The following COMMD1 variants were observed in gnomAD, a reference collection of about 807,000 sequenced individuals.
The protein encoded by COMMD1 is copper metabolism domain containing 1.
COMMD1 carries 10 observed loss-of-function variants against 17.2 expected under a neutral mutation model. That is an observed-to-expected ratio of 0.58 (90% CI 0.36 to 0.99). COMMD1 has a LOEUF of 0.99. COMMD1 is among the 50% of genes least tolerant of loss of function. The pLI, the probability that COMMD1 is intolerant of heterozygous loss-of-function variation, is 0.01. For synonymous variants in COMMD1, 97 were observed against 91.6 expected, an observed-to-expected ratio of 1.06 and a Z score of -0.34; for missense variants, 270 against 231.8, an observed-to-expected ratio of 1.17 and a Z score of -1.07.
At chr2:62,123,019 C>G (rs184130009) in intron 2 of COMMD1, among the ~76,000 whole-genome samples, 49 of 152,182 alleles carry the variant, frequency 3.2e-4, no homozygotes, top group Admixed American at 2.0e-3. Context: ...TTGTAAGGTT[C>G]CCTAGGTTTT....
chr2:62,124,750 A>C (rs1023980296), intron 2 of COMMD1, among the ~76,000 whole-genome samples: 1 of 152,066 alleles, frequency 6.6e-6, no homozygotes, highest in East Asian at 1.9e-4. Context: ...GGGTTTTACT[A>C]TGTGAGCCAG....
intron 1 of COMMD1, among the ~76,000 whole-genome samples, chr2:61,894,178 C>T (rs1169411627): frequency 6.6e-6 from 1 of 152,192 alleles, no homozygotes; most frequent in East Asian, 1.9e-4. Context: ...TGGCTCACTG[C>T]AACCTCTGCC....
rs540681427 is a variant in COMMD1 at position 61,934,134 on chromosome 2, C to G, written c.180+28276C>G. Among the ~76,000 whole-genome samples, 3 of 152,164 alleles carry G rather than the reference C, an allele frequency of 2.0e-5. No homozygotes were observed. In the South Asian group the frequency reaches 6.2e-4, roughly 32 times the overall value. ...ATCCAGAACTATATATGTTTAAATACAAAATGAATTTGAGATAGGGGTGTG... is the reference window on the plus strand; with the variant it reads ...ATCCAGAACTATATATGTTTAAATAGAAAATGAATTTGAGATAGGGGTGTG... On this transcript the variant is annotated intron_variant, in intron 1 of 2. Coordinates refer to ENST00000311832, the MANE Select transcript of COMMD1 (RefSeq NM_152516.4).
At position 61,915,291 on chromosome 2, in the gene COMMD1, C is replaced by A. The variant is rs140326363; in HGVS notation, c.180+9433C>A. ...TAAGTGCTAGGATTACATGCGTGAGCCACTGCACCCAGCCCGGATTATTTT... is the reference window on the plus strand; with the variant it reads ...TAAGTGCTAGGATTACATGCGTGAGACACTGCACCCAGCCCGGATTATTTT... On this transcript the variant is annotated intron_variant, in intron 1 of 2. Coordinates refer to ENST00000311832, the MANE Select transcript of COMMD1 (RefSeq NM_152516.4). Among the ~76,000 whole-genome samples the A allele has an allele frequency of 8.0e-3, 1,211 of 152,232 alleles. 19 individuals carry two copies. Among genetic ancestry groups the A allele is most frequent in the African/African-American group, 0.028 (1,145 of 41,524 alleles).
chr2:61,912,518 C>G (rs922969562), intron 1 of COMMD1, among the ~76,000 whole-genome samples: 2 of 151,756 alleles, frequency 1.3e-5, no homozygotes, highest in African/African-American at 2.4e-5. Context: ...GGGCAGATCA[C>G]GAGATCAAGA....
chr2:62,055,792 T>A (rs915366538), intron 2 of COMMD1, among the ~76,000 whole-genome samples: 1 of 152,206 alleles, frequency 6.6e-6, no homozygotes, highest in African/African-American at 2.4e-5. Flanking sequence ...AACGTGTTCC[T>A]CTCAGCTAGC....
intron 1 of COMMD1, among the ~76,000 whole-genome samples, chr2:61,909,230 CAT>C (rs1293757732): frequency 1.3e-5 from 2 of 152,118 alleles, no homozygotes; most frequent in African/African-American, 4.8e-5. Flanking sequence ...CTGGCACAAA[CAT>C]GATTTTTACA....
upstream of COMMD1, among the ~76,000 whole-genome samples, chr2:61,905,190 G>C (rs1669739783): frequency 6.6e-6 from 1 of 152,078 alleles, no homozygotes; most frequent in African/African-American, 2.4e-5. Context: ...ATATAAAAAG[G>C]CAATTAACAA....
At chr2:61,991,233 C>T (rs945330241) in intron 1 of COMMD1, among the ~76,000 whole-genome samples, 3 of 152,182 alleles carry the variant, frequency 2.0e-5, no homozygotes, top group African/African-American at 4.8e-5. Flanking sequence ...AAACAGAAAT[C>T]AGCACCCTGA....
At chr2:61,896,955 G>A (rs1020402931) in intron 1 of COMMD1, among the ~76,000 whole-genome samples, 5 of 151,194 alleles carry the variant, frequency 3.3e-5, no homozygotes, top group Admixed American at 6.6e-5. Context: ...TCAGCCTCCC[G>A]AGTAGCTGGG....
intron 2 of COMMD1, among the ~76,000 whole-genome samples, chr2:62,019,669 TC>T (rs1669558642): frequency 1.3e-5 from 2 of 152,204 alleles, no homozygotes; most frequent in African/African-American, 4.8e-5. Context: ...GAAGTAGCTT[TC>T]TTGTCACACC....
intron 1 of COMMD1, among the ~76,000 whole-genome samples, chr2:61,898,697 AG>A (rs1450596446): frequency 1.3e-5 from 2 of 152,144 alleles, no homozygotes; most frequent in African/African-American, 4.8e-5. Flanking sequence ...GCCTGGGACC[AG>A]TTGCTTAATG....
At chr2:61,907,542 G>A (rs1023175408) in intron 1 of COMMD1, among the ~76,000 whole-genome samples, 2 of 152,102 alleles carry the variant, frequency 1.3e-5, no homozygotes, top group Non-Finnish European at 2.9e-5. Flanking sequence ...GCTAAGAAGA[G>A]ACAACAGCAC....
chr2:62,056,026 C>T (rs1316332507), intron 2 of COMMD1, among the ~76,000 whole-genome samples: 1 of 152,196 alleles, frequency 6.6e-6, no homozygotes, highest in African/African-American at 2.4e-5. Flanking sequence ...CTATTCAAGT[C>T]TTTGAATGAT....
At chr2:61,947,610 G>T (rs367896788) in intron 1 of COMMD1, among the ~76,000 whole-genome samples, 3 of 152,154 alleles carry the variant, frequency 2.0e-5, no homozygotes, top group African/African-American at 7.2e-5. Flanking sequence ...TTAAACCCAA[G>T]AGGCAGAGGT....
chr2:62,126,842 C>G (rs1265395239), intron 2 of COMMD1, among the ~76,000 whole-genome samples: 1 of 152,154 alleles, frequency 6.6e-6, no homozygotes, highest in South Asian at 2.1e-4. Flanking sequence ...CCTCTCCCAC[C>G]ATTCCTATTC....
chr2:62,017,470 C>A (rs1317075088), intron 2 of COMMD1, among the ~76,000 whole-genome samples: 1 of 151,916 alleles, frequency 6.6e-6, no homozygotes, highest in African/African-American at 2.4e-5. Context: ...GAGTTCAAGA[C>A]CAGCCTGGGC....
chr2:62,033,059 G>C (rs1423837851), intron 2 of COMMD1, among the ~76,000 whole-genome samples: 1 of 152,072 alleles, frequency 6.6e-6, no homozygotes, highest in Non-Finnish European at 1.5e-5. Flanking sequence ...CGTGAGCCAT[G>C]TTGCCTGGCC....
chr2:61,930,617 T>TTGTGTGTGTGTGTGTGTGTG (rs59488185), intron 1 of COMMD1, among the ~76,000 whole-genome samples: 1 of 146,056 alleles, frequency 6.8e-6, no homozygotes, highest in South Asian at 2.3e-4. Flanking sequence ...CCACAGGGTT[T>TTGTGTGTGTGTGTGTGTGTG]TGTGTGTGTG....
Sources: allele counts gnomAD v4.1 joint callset (sites outside exome capture counted in the v4.1 genomes callset), GRCh38; gene constraint gnomAD v4.1.1; transcripts MANE v1.5; gene names NCBI Gene and HGNC (gene_info 2026-07-23, HGNC 2026-07-21).